The following CNGB1 variants were observed in gnomAD, a reference collection of about 807,000 sequenced individuals.
CNGB1 encodes cyclic nucleotide gated channel subunit beta 1.
In CNGB1, 126 loss-of-function variants were observed where a neutral mutation model predicts 151.7. The ratio of observed to expected loss-of-function variants is 0.83; its 90% confidence interval spans 0.72 to 0.96. CNGB1 has a LOEUF of 0.96. Among genes scored for constraint, CNGB1 ranks in the 40% least tolerant of loss-of-function variants. The pLI, the probability that CNGB1 is intolerant of heterozygous loss-of-function variation, is 0.00. For missense variants in CNGB1, 1,698 were observed against 1,627.0 expected, an observed-to-expected ratio of 1.04 and a Z score of -0.75; for synonymous variants, 623 against 635.1, an observed-to-expected ratio of 0.98 and a Z score of 0.29.
chr16:57,950,265 G>A (rs866623860), intron 13 of CNGB1, 116 bp downstream of exon 13: 1 of 1,259,340 alleles, frequency 7.9e-7, no homozygotes, highest in South Asian at 1.2e-5. Flanking sequence ...TATGAAGGCA[G>A]GGGGAAGCAG....
intron 10 of CNGB1, 36 bp downstream of exon 10, chr16:57,959,852 T>C: frequency 1.4e-6 from 2 of 1,472,206 alleles, no homozygotes; most frequent in Non-Finnish European, 9.0e-7. Context: ...CTCATCCTGC[T>C]CCCTGGTGGG....
chr16:57,952,279 A>G (rs1249567431), intron 12 of CNGB1, among the ~76,000 whole-genome samples: 1 of 152,162 alleles, frequency 6.6e-6, no homozygotes, highest in Admixed American at 6.5e-5. Flanking sequence ...AGGTGGAGGC[A>G]GAGCCAGGTC....
intron 4 of CNGB1, 108 bp from the exon 5 acceptor site, chr16:57,963,172 T>G: frequency 1.2e-6 from 1 of 866,294 alleles, no homozygotes; most frequent in Admixed American, 1.7e-5. Context: ...CACTGTCATC[T>G]GTATGTGTGT....
At chr16:57,949,301 C>A (rs1961886701) in intron 14 of CNGB1, 52 bp downstream of exon 14, 5 of 1,601,562 alleles carry the variant, frequency 3.1e-6, no homozygotes, top group Non-Finnish European at 4.2e-6. Flanking sequence ...CCCAGGAGCT[C>A]AGCCAACCCC....
chr16:57,903,321 G>A (rs919158680), intron 27 of CNGB1, among the ~76,000 whole-genome samples: 4 of 150,962 alleles, frequency 2.6e-5, no homozygotes, highest in Non-Finnish European at 4.4e-5. Flanking sequence ...GTGAAACCTC[G>A]TCTCTACTAA....
At chr16:57,951,160 G>T (rs1961939905) in intron 12 of CNGB1, among the ~76,000 whole-genome samples, 1 of 152,160 alleles carries the variant, frequency 6.6e-6, no homozygotes. Flanking sequence ...CAAGTATCCT[G>T]GTCCTTGACA....
chr16:57,892,975 G>A lies in CNGB1; in HGVS notation c.3242+4422C>T, dbSNP rs188726434. On this transcript the variant is annotated intron_variant, in intron 31 of 32. Coordinates refer to ENST00000251102, the MANE Select transcript of CNGB1 (RefSeq NM_001297.5). ...ATCATCGCTCATCTTTCCATTGCCG[G>A]TTCCCTGACTAGAATGTGAGTTTTG... 1.8e-4 allele frequency among the ~76,000 whole-genome samples: 27 copies of A among 152,240 alleles called. No homozygotes were observed. The East Asian group carries it at 4.8e-3, about 27-fold the overall frequency.
In CNGB1 at chr16:57,905,065, A is replaced by C. The variant is rs975078730; in HGVS notation, c.2493-190T>G. Among the ~76,000 whole-genome samples the C allele has an allele frequency of 3.9e-5, 6 of 152,274 alleles. No homozygotes were observed. In the East Asian group the frequency reaches 9.7e-4, roughly 25 times the overall value. ...TTGCCGTTTGCAGAGCAGGTTCACA[A>C]ATGCTATCGGGTATGGTTGTGTCTC... On this transcript the variant is annotated intron_variant, in intron 25 of 32. Coordinates refer to ENST00000251102, the MANE Select transcript of CNGB1 (RefSeq NM_001297.5).
chr16:57,965,098 A>C (rs1267409632), intron 2 of CNGB1, among the ~76,000 whole-genome samples: 1 of 144,384 alleles, frequency 6.9e-6, no homozygotes, highest in East Asian at 2.1e-4. Context: ...ATGCACATAC[A>C]TACACAGACA....
Position 57,931,778 on chromosome 16 carries a change from C to A in CNGB1, c.1473G>T (p.Pro491=). The A allele has an allele frequency of 6.2e-7, 1 of 1,614,046 alleles. No homozygotes were observed. Among genetic ancestry groups the A allele is most frequent in the East Asian group, 2.2e-5 (1 of 44,874 alleles). Residue 491 remains proline, a synonymous_variant, in exon 17 of 33, where the codon CCG becomes CCT. Transcript: ENST00000251102. Reference sequence around the variant, plus strand: ...TGTCTGATTTGGCAGGAGACGGTGGCGGCAACACGGTTGAGGGTGGATTCT... The same window carrying A: ...TGTCTGATTTGGCAGGAGACGGTGGAGGCAACACGGTTGAGGGTGGATTCT... ...AEENPPSTVL[P]PPSPAKSDTL...
At chr16:57,922,423 C>CT (rs1388519635) in intron 18 of CNGB1, among the ~76,000 whole-genome samples, 1 of 136,668 alleles carries the variant, frequency 7.3e-6, no homozygotes, top group African/African-American at 3.5e-5. Context: ...CTCTTTCTTT[C>CT]TTTCTTTCTT....
intron 29 of CNGB1, among the ~76,000 whole-genome samples, chr16:57,899,122 G>T (rs1055859157): frequency 2.0e-5 from 3 of 152,120 alleles, no homozygotes; most frequent in Non-Finnish European, 4.4e-5. Flanking sequence ...ACAGTGTCCC[G>T]CGGCAGCCTG....
Position 57,903,975 on chromosome 16 carries a change from C to A in CNGB1, c.2641G>T (p.Asp881Tyr). The change falls in exon 27 of 33, where the codon GAT becomes TAT. Residue 881 changes from aspartate to tyrosine, a missense_variant. By Grantham distance (160) the Asp-to-Tyr change is radical. Transcript: ENST00000251102. ...AFSVMIGQMR[D>Y]VVGAATAGQT... is the part of the protein sequence containing the mutation. ...CCGGCGGTGGCGGCCCCTACCACAT[C>A]TCTCATCTGGGGGAAGGGTTATGGG... 6.2e-7 allele frequency: 1 copy of A among 1,613,690 alleles called. No individual in the cohort carries two copies. Among genetic ancestry groups the A allele is most frequent in the South Asian group, 1.1e-5 (1 of 91,026 alleles).
chr16:57,954,975 C>G (rs1315128099), intron 12 of CNGB1: 3 of 1,104,174 alleles, frequency 2.7e-6, no homozygotes, highest in South Asian at 5.7e-5. Flanking sequence ...TCTCGAACTT[C>G]GGGGCTCAAG....
intron 25 of CNGB1, among the ~76,000 whole-genome samples, chr16:57,910,607 C>G (rs1372261979): frequency 2.7e-5 from 4 of 150,868 alleles, no homozygotes; most frequent in African/African-American, 9.7e-5. Context: ...CTCCTGACCT[C>G]AAGTGATCTG....
chr16:57,916,017 C>T, intron 22 of CNGB1, 112 bp downstream of exon 22: 1 of 1,010,886 alleles, frequency 9.9e-7, no homozygotes, highest in Non-Finnish European at 1.6e-6. Context: ...GGACCAGCAT[C>T]CCTCCGTGTG....
At chr16:57,935,982 G>A (rs745392706) in intron 16 of CNGB1, among the ~76,000 whole-genome samples, 24 of 152,132 alleles carry the variant, frequency 1.6e-4, no homozygotes, top group Admixed American at 2.6e-4. Flanking sequence ...TGCCTGGTTG[G>A]ACTGATCTCA....
chr16:57,896,314 G>A (rs940727555), intron 31 of CNGB1, among the ~76,000 whole-genome samples: 3 of 152,180 alleles, frequency 2.0e-5, no homozygotes, highest in African/African-American at 7.2e-5. Flanking sequence ...TACATTTGCT[G>A]CAGAAGCGAC....
chr16:57,904,494 A>C (rs1960484380), intron 26 of CNGB1, among the ~76,000 whole-genome samples: 1 of 152,190 alleles, frequency 6.6e-6, no homozygotes, highest in Admixed American at 6.5e-5. Flanking sequence ...CATTCAGCCC[A>C]GTGCACCCGG....
Sources: gnomAD v4.1 joint callset for allele counts (sites outside exome capture counted in the v4.1 genomes callset) on GRCh38, gnomAD v4.1.1 for gene constraint, MANE v1.5 for transcripts, NCBI Gene and HGNC (gene_info 2026-07-23, HGNC 2026-07-21) for gene names.